The following LRRC7 variants were observed in gnomAD, a reference collection of about 807,000 sequenced individuals.
LRRC7 encodes leucine rich repeat containing 7.
In LRRC7, 23 loss-of-function variants were observed where a neutral mutation model predicts 175.7. The ratio of observed to expected loss-of-function variants is 0.13; its 90% CI spans 0.09 to 0.19. LRRC7 has a LOEUF of 0.19. Among genes scored for constraint, LRRC7 ranks in the 10% least tolerant of loss-of-function variants. The pLI, the probability that LRRC7 is intolerant of heterozygous loss-of-function variation, is 1.00. For synonymous variants in LRRC7, 685 were observed against 680.9 expected, an observed-to-expected ratio of 1.01 and a Z score of -0.09; for missense variants, 1,354 against 1,904.7, an observed-to-expected ratio of 0.71 and a Z score of 5.38.
At chr1:69,895,906 G>T (rs12730345) in intron 7 of LRRC7, among the ~76,000 whole-genome samples, 62,697 of 152,036 alleles carry the variant, frequency 0.41, 13,709 homozygotes, top group East Asian at 0.55. Flanking sequence ...TATGTACAAG[G>T]CTTTGTATGA....
intron 1 of LRRC7, among the ~76,000 whole-genome samples, chr1:69,659,705 GAC>G (rs908626353): frequency 6.6e-6 from 1 of 151,482 alleles, no homozygotes; most frequent in African/African-American, 2.4e-5. Context: ...AAAATGTCTT[GAC>G]ACACTTTAAA....
At chr1:69,675,599 A>T (rs1293836058) in intron 1 of LRRC7, among the ~76,000 whole-genome samples, 2 of 152,154 alleles carry the variant, frequency 1.3e-5, no homozygotes, top group African/African-American at 4.8e-5. Context: ...ACTAGTGAAT[A>T]ATTATAAGCT....
intron 23 of LRRC7, among the ~76,000 whole-genome samples, chr1:70,074,916 CTTTT>C (rs1307123550): frequency 1.3e-5 from 2 of 152,006 alleles, no homozygotes; most frequent in Non-Finnish European, 2.9e-5. Context: ...TAGTAATTAT[CTTTT>C]TATTACTCCA....
rs41287888 is a variant in LRRC7 at position 70,123,186 on chromosome 1, T to C, written c.*1299T>C. ...GATCAAAATTTATTTTATAATCCTT[T>C]AAAATACTTATCTTTCATATTAGTC... is the stretch of plus-strand genomic sequence containing the variant. On this transcript the variant is annotated 3_prime_UTR_variant, in exon 27 of 27. Coordinates refer to ENST00000651989, the MANE Select transcript of LRRC7 (RefSeq NM_001370785.2). 0.14 allele frequency: 21,416 copies of C among 152,418 alleles called. 2,268 individuals are homozygous for C. The highest frequency in any genetic ancestry group is 0.29 in the African/African-American group (12,218 of 41,478). 9.4% of individuals were successfully genotyped at this position (152,418 alleles called of 1,614,324 possible). A position where few individuals can be genotyped will look rare whatever the true frequency, so the allele number is the denominator to read the frequency against.
intron 8 of LRRC7, among the ~76,000 whole-genome samples, chr1:69,933,840 G>A (rs1390677422): frequency 6.6e-6 from 1 of 152,106 alleles, no homozygotes; most frequent in Non-Finnish European, 1.5e-5. Flanking sequence ...ATGATTTATG[G>A]TATCTAAGAA....
chr1:69,732,086 G>T (rs113548359), intron 2 of LRRC7, among the ~76,000 whole-genome samples: 5 of 151,882 alleles, frequency 3.3e-5, no homozygotes, highest in African/African-American at 1.2e-4. Flanking sequence ...AAATAAAAAA[G>T]GAAAACAGAC....
intron 2 of LRRC7, among the ~76,000 whole-genome samples, chr1:69,705,020 T>C (rs1663848629): frequency 6.6e-6 from 1 of 152,152 alleles, no homozygotes; most frequent in Admixed American, 6.6e-5. Context: ...ATAGATTTGT[T>C]CCTACATTAA....
Position 69,692,518 on chromosome 1 carries a change from T to C in LRRC7, c.100+14040T>C, listed in dbSNP as rs769597576. 3.3e-5 allele frequency among the ~76,000 whole-genome samples: 5 copies of C among 152,270 alleles called. No homozygotes were observed. The South Asian group carries it at 8.3e-4, about 25-fold the overall frequency. ...CAATCCCTACTTTTTCGTGGGTCCTTCTGAGATTACTGGGAGCAGAGAGGA... is the reference window on the plus strand; with the variant it reads ...CAATCCCTACTTTTTCGTGGGTCCTCCTGAGATTACTGGGAGCAGAGAGGA... On this transcript the variant is annotated intron_variant, in intron 2 of 26. Transcript: ENST00000651989.
intron 5 of LRRC7, among the ~76,000 whole-genome samples, chr1:69,829,209 A>C (rs1246450839): frequency 6.6e-6 from 1 of 151,916 alleles, no homozygotes; most frequent in African/African-American, 2.4e-5. Context: ...AATTTAAGTA[A>C]TTGCAAAGGT....
chr1:69,942,807 A>G (rs1313971615), intron 8 of LRRC7, among the ~76,000 whole-genome samples: 3 of 152,092 alleles, frequency 2.0e-5, no homozygotes, highest in Non-Finnish European at 4.4e-5. Context: ...GTAAGGTAAC[A>G]TATTTATAGG....
Position 69,745,114 on chromosome 1 carries a change from T to C in LRRC7, c.101-15077T>C, listed in dbSNP as rs567215125. 5.1e-4 allele frequency among the ~76,000 whole-genome samples: 77 copies of C among 151,986 alleles called. No individual in the cohort carries two copies. In the South Asian group the frequency reaches 9.5e-3, roughly 19 times the overall value. ...TAACTAAAATTGCAAAGCTATGGCA[T>C]TGGCAGATGATCTTGTTCAAGATAT... On this transcript the variant is annotated intron_variant, in intron 2 of 26. Transcript: ENST00000651989.
chr1:69,955,360 T>C (rs1295937567), intron 8 of LRRC7, among the ~76,000 whole-genome samples: 1 of 151,942 alleles, frequency 6.6e-6, no homozygotes, highest in Admixed American at 6.6e-5. Flanking sequence ...GAAGAAATGA[T>C]ATTGCAATGA....
intron 2 of LRRC7, among the ~76,000 whole-genome samples, chr1:69,719,179 A>G (rs1299745948): frequency 6.6e-6 from 1 of 151,754 alleles, no homozygotes; most frequent in Non-Finnish European, 1.5e-5. Context: ...TCAAATATGC[A>G]TGACTTATTC....
At chr1:70,037,741 G>C (rs1226544817) in intron 20 of LRRC7, among the ~76,000 whole-genome samples, 1 of 152,138 alleles carries the variant, frequency 6.6e-6, no homozygotes, top group African/African-American at 2.4e-5. Context: ...TTCCTTCATT[G>C]ATTCCTTCAA....
chr1:69,832,143 A>C (rs951626903), intron 5 of LRRC7, among the ~76,000 whole-genome samples: 1 of 152,176 alleles, frequency 6.6e-6, no homozygotes, highest in Non-Finnish European at 1.5e-5. Context: ...GTGTTTTTTC[A>C]AGCTGTTTAC....
At chr1:69,736,248 G>A (rs922270560) in intron 2 of LRRC7, among the ~76,000 whole-genome samples, 10 of 151,930 alleles carry the variant, frequency 6.6e-5, no homozygotes, top group African/African-American at 2.4e-4. Context: ...TACTTTTTCT[G>A]ACCAATTCAC....
intron 1 of LRRC7, among the ~76,000 whole-genome samples, chr1:69,582,164 G>T (rs1646227037): frequency 6.6e-6 from 1 of 152,124 alleles, no homozygotes; most frequent in Non-Finnish European, 1.5e-5. Flanking sequence ...AGAATCCTTT[G>T]CTCATGGATA....
intron 1 of LRRC7, among the ~76,000 whole-genome samples, chr1:69,674,221 G>T (rs574468487): frequency 6.6e-6 from 1 of 151,966 alleles, no homozygotes; most frequent in East Asian, 1.9e-4. Context: ...TGAATCTCAG[G>T]TATTCACTCC....
intron 8 of LRRC7, among the ~76,000 whole-genome samples, chr1:69,956,891 A>C (rs1286748584): frequency 6.6e-6 from 1 of 151,724 alleles, no homozygotes. Context: ...GATGTATAAC[A>C]CACGAGATTT....
Sources: allele counts gnomAD v4.1 joint callset (sites outside exome capture counted in the v4.1 genomes callset), GRCh38; gene constraint gnomAD v4.1.1; transcripts MANE v1.5; gene names NCBI Gene and HGNC (gene_info 2026-07-23, HGNC 2026-07-21).